Variants in RBFOX1 observed in about 807,000 individuals in gnomAD.
RBFOX1 encodes the protein RNA binding fox-1 homolog 1.
A neutral mutation model predicts 57.7 loss-of-function variants in RBFOX1; 8 were observed. The observed-to-expected ratio is 0.14, with a 90% CI of 0.08 to 0.25. The LOEUF (loss-of-function observed/expected upper bound fraction) is 0.25, where lower values mean the gene tolerates loss of function less well. RBFOX1 is among the 10% of genes least tolerant of loss of function. RBFOX1 has a pLI of 1.00. For missense variants in RBFOX1, 611 were observed against 548.5 expected, an observed-to-expected ratio of 1.11 and a Z score of -1.14; for synonymous variants, 326 against 222.4, an observed-to-expected ratio of 1.47 and a Z score of -4.15.
At chr16:6,484,348 C>T (rs192834868) in intron 2 of RBFOX1, among the ~76,000 whole-genome samples, 21 of 152,268 alleles carry the variant, frequency 1.4e-4, no homozygotes, top group African/African-American at 4.8e-4. Flanking sequence ...GTCCACCATG[C>T]TCGTTGCGCT....
chr16:7,001,265 T>C (rs1259480843), intron 3 of RBFOX1, among the ~76,000 whole-genome samples: 1 of 152,126 alleles, frequency 6.6e-6, no homozygotes, highest in African/African-American at 2.4e-5. Context: ...CTTGTTCAGA[T>C]GGATGGAGAG....
intron 2 of RBFOX1, among the ~76,000 whole-genome samples, chr16:5,596,360 G>C (rs1467853426): frequency 6.6e-6 from 1 of 152,142 alleles, no homozygotes; most frequent in Non-Finnish European, 1.5e-5. Context: ...CCTTCCTAAG[G>C]CTGGTGGTTG....
At chr16:5,572,586 A>G (rs1163686081) in intron 2 of RBFOX1, among the ~76,000 whole-genome samples, 1 of 152,200 alleles carries the variant, frequency 6.6e-6, no homozygotes, top group African/African-American at 2.4e-5. Context: ...GGTAGTCAAA[A>G]TCACCTGAGG....
At chr16:6,809,406 T>A (rs1032053031) in intron 3 of RBFOX1, among the ~76,000 whole-genome samples, 4 of 152,180 alleles carry the variant, frequency 2.6e-5, no homozygotes, top group Non-Finnish European at 5.9e-5. Flanking sequence ...TAAAGAATTA[T>A]TTTTTAAAAT....
intron 4 of RBFOX1, among the ~76,000 whole-genome samples, chr16:7,364,419 T>A (rs1390490704): frequency 1.3e-5 from 2 of 152,130 alleles, no homozygotes; most frequent in Non-Finnish European, 2.9e-5. Flanking sequence ...GATGCTAGCA[T>A]TTTTTTGTGC....
intron 2 of RBFOX1, among the ~76,000 whole-genome samples, chr16:5,562,082 A>G (rs1051354394): frequency 8.6e-5 from 13 of 151,980 alleles, no homozygotes; most frequent in African/African-American, 2.9e-4. Flanking sequence ...AAATCTCGGC[A>G]CTCATTTTGT....
chr16:6,008,527 A>G (rs1172834935), intron 4 of RBFOX1, among the ~76,000 whole-genome samples: 1 of 152,164 alleles, frequency 6.6e-6, no homozygotes, highest in East Asian at 1.9e-4. Context: ...CTTGCTGGTT[A>G]GAGGCACATC....
chr16:6,907,699 T>C (rs2070405702), intron 3 of RBFOX1, among the ~76,000 whole-genome samples: 2 of 152,116 alleles, frequency 1.3e-5, no homozygotes, highest in Admixed American at 1.3e-4. Flanking sequence ...GCCTCCTGAG[T>C]AGCTGGGATT....
At chr16:7,570,402 T>C (rs1013093039) in intron 5 of RBFOX1, among the ~76,000 whole-genome samples, 1 of 152,214 alleles carries the variant, frequency 6.6e-6, no homozygotes, top group Non-Finnish European at 1.5e-5. Context: ...ACATCTCTAA[T>C]TTCTGTCTGT....
At chr16:5,498,969 T>G (rs1408696359) in intron 2 of RBFOX1, among the ~76,000 whole-genome samples, 1 of 152,152 alleles carries the variant, frequency 6.6e-6, no homozygotes, top group Non-Finnish European at 1.5e-5. Context: ...CTGGGCAGGT[T>G]GGTTAGGTGT....
chr16:6,555,616 C>T (rs904038595), intron 2 of RBFOX1, among the ~76,000 whole-genome samples: 4 of 152,122 alleles, frequency 2.6e-5, no homozygotes, highest in East Asian at 1.9e-4. Context: ...AGGAGAATGG[C>T]GTGAATCCGG....
chr16:6,906,297 T>C (rs1341818549), intron 3 of RBFOX1, among the ~76,000 whole-genome samples: 1 of 151,798 alleles, frequency 6.6e-6, no homozygotes, highest in Admixed American at 6.6e-5. Context: ...TTTATGTCTG[T>C]TGGCTGGGGT....
At chr16:5,414,883 C>T (rs1218689857) in intron 1 of RBFOX1, among the ~76,000 whole-genome samples, 1 of 152,144 alleles carries the variant, frequency 6.6e-6, no homozygotes, top group Non-Finnish European at 1.5e-5. Flanking sequence ...GGATGGAGAT[C>T]CTAAGCTTCA....
chr16:6,135,349 A>T (rs2096658784), intron 1 of RBFOX1, among the ~76,000 whole-genome samples: 1 of 152,224 alleles, frequency 6.6e-6, no homozygotes, highest in Admixed American at 6.5e-5. Context: ...CATTCTGATA[A>T]GAGAATGAGA....
At chr16:6,788,145 C>G (rs1263595000) in intron 3 of RBFOX1, among the ~76,000 whole-genome samples, 1 of 152,148 alleles carries the variant, frequency 6.6e-6, no homozygotes. Flanking sequence ...CCGCTTGAAC[C>G]TGGGAGGCGG....
intron 4 of RBFOX1, among the ~76,000 whole-genome samples, chr16:7,337,835 C>A (rs146130959): frequency 6.6e-6 from 1 of 152,138 alleles, no homozygotes; most frequent in Non-Finnish European, 1.5e-5. Flanking sequence ...CAGGCACGTG[C>A]CACCACACCC....
intron 1 of RBFOX1, among the ~76,000 whole-genome samples, chr16:5,372,897 A>T (rs186251965): frequency 1.8e-4 from 28 of 152,370 alleles, no homozygotes; most frequent in African/African-American, 5.8e-4. Flanking sequence ...GCATGTTAGC[A>T]TGACTTCAGC....
intron 3 of RBFOX1, among the ~76,000 whole-genome samples, chr16:6,698,086 A>G (rs1283847636): frequency 1.3e-5 from 2 of 152,192 alleles, no homozygotes; most frequent in Non-Finnish European, 2.9e-5. Flanking sequence ...AGTTATTTCA[A>G]CTGTTTGGAA....
chr16:5,825,641 T>C (rs1275675570), intron 3 of RBFOX1, among the ~76,000 whole-genome samples: 1 of 152,208 alleles, frequency 6.6e-6, no homozygotes, highest in Non-Finnish European at 1.5e-5. Context: ...TTGACAGCGT[T>C]GTACAGCCAT....
Sources: gnomAD v4.1 joint callset for allele counts (sites outside exome capture counted in the v4.1 genomes callset) on GRCh38, gnomAD v4.1.1 for gene constraint, MANE v1.5 for transcripts, NCBI Gene and HGNC (gene_info 2026-07-23, HGNC 2026-07-21) for gene names.